GRM4: variants seen among roughly 807,000 people sequenced by gnomAD.
GRM4 encodes glutamate metabotropic receptor 4, also known as metabotropic glutamate receptor 4.
GRM4 carries 28 observed loss-of-function variants against 81.7 expected under a neutral mutation model. The ratio of observed to expected loss-of-function variants is 0.34; its 90% CI spans 0.25 to 0.47. The LOEUF (loss-of-function observed/expected upper bound fraction) is 0.47, where lower values mean the gene tolerates loss of function less well. Among genes scored for constraint, GRM4 ranks in the 20% least tolerant of loss-of-function variants. The pLI is 1.00. For synonymous variants in GRM4, 488 were observed against 528.8 expected (o/e 0.92, Z 1.06); for missense variants, 948 against 1,290.0 (o/e 0.73, Z 4.06).
At position 34,028,216 on chromosome 6, in the gene GRM4, T is replaced by A. The variant is rs748412584; in HGVS notation, c.2593A>T (p.Thr865Ser). The A allele has an allele frequency of 6.2e-7, 1 of 1,614,084 alleles. No individual in the cohort carries two copies. Among genetic ancestry groups the A allele is most frequent in the Non-Finnish European group, 8.5e-7 (1 of 1,180,016 alleles). The change falls in exon 10 of 11, where the codon ACG becomes TCG. Residue 865 changes from threonine (T) to serine (S), a missense_variant. Thr to Ser is a moderately conservative substitution (Grantham distance 58). Transcript: ENST00000538487. ...AACTTGTTGGACATGGTGGCCGCCG[T>A]AACGACGGCTTTGAGGCTGCGCTTG... ...KRKRSLKAVV[T>S]AATMSNKFTQ... is the part of the protein sequence containing the mutation.
At chr6:34,055,087 C>T (rs1327773661) in intron 6 of GRM4, 2 of 152,180 alleles carry the variant, frequency 1.3e-5, no homozygotes, top group Non-Finnish European at 2.9e-5. Flanking sequence ...CTTAAGAGTT[C>T]CTAGAGTTGC....
At chr6:34,084,131 G>T (rs370537949) in intron 3 of GRM4, among the ~76,000 whole-genome samples, 13 of 152,226 alleles carry the variant, frequency 8.5e-5, no homozygotes, top group African/African-American at 3.1e-4. Flanking sequence ...TAGAGCCAAG[G>T]CCATGGAGGG....
chr6:34,131,330 A>G (rs1264268307), intron 2 of GRM4, among the ~76,000 whole-genome samples: 1 of 152,258 alleles, frequency 6.6e-6, no homozygotes, highest in Non-Finnish European at 1.5e-5. Flanking sequence ...TCATAAAAAA[A>G]TAAAAAACAA....
intron 2 of GRM4, among the ~76,000 whole-genome samples, chr6:34,098,735 G>A (rs530651280): frequency 1.7e-4 from 26 of 152,342 alleles, no homozygotes; most frequent in South Asian, 8.3e-4. Context: ...AAGCTGTGGC[G>A]GACAGGAATG....
rs1769810874 is a variant in GRM4, at chr6:34,121,523, A to G, written c.519+11455T>C. On this transcript the variant is annotated intron_variant, in intron 2 of 10. Coordinates refer to ENST00000538487, the MANE Select transcript of GRM4 (RefSeq NM_000841.4). The surrounding 1 kb of genome is among the most constrained non-coding windows in gnomAD (Gnocchi z 4.6). ...CATTAGGGCCCCGCTCTACCCAGCC[A>G]GAGCTCCCCCTCCAGGAGATTTCAA... is the stretch of plus-strand genomic sequence containing the variant. Among the ~76,000 whole-genome samples, 2 of 152,192 alleles carry G rather than the reference A, an allele frequency of 1.3e-5. No homozygotes were observed. The highest frequency in any genetic ancestry group is 4.1e-4 in the South Asian group (2 of 4,832).
intron 2 of GRM4, chr6:34,102,061 G>T (rs757661414): frequency 2.0e-6 from 3 of 1,535,600 alleles, no homozygotes; most frequent in Non-Finnish European, 2.6e-6. Flanking sequence ...AAGTCCTAAG[G>T]GTCCTCTTTT....
chr6:34,040,149 C>T (rs772538506), intron 8 of GRM4, 29 bp downstream of exon 8: 88 of 1,609,010 alleles, frequency 5.5e-5, no homozygotes, highest in Non-Finnish European at 7.1e-5. Context: ...GTGAGTCACT[C>T]TCCACCCACT....
rs1767530774 is a variant in GRM4, at chr6:34,080,546, G to C, written c.736+11337C>G. On this transcript the variant is annotated intron_variant, in intron 3 of 10. Coordinates refer to ENST00000538487, the MANE Select transcript of GRM4 (RefSeq NM_000841.4). The surrounding 1 kb of genome is among the most constrained non-coding windows in gnomAD (Gnocchi z 5.4). Reference sequence around the variant, plus strand: ...ATGAATAAATTACTGTGGAGGAAAGGGATGCAAAGGCTGGAGGGCAGAAGG... The same window carrying C: ...ATGAATAAATTACTGTGGAGGAAAGCGATGCAAAGGCTGGAGGGCAGAAGG... Among the ~76,000 whole-genome samples, 1 of 152,152 alleles carries C rather than the reference G, an allele frequency of 6.6e-6. No homozygotes were observed. The highest frequency in any genetic ancestry group is 2.4e-5 in the African/African-American group (1 of 41,436).
At chr6:34,033,152 C>A (rs1764516561) in intron 9 of GRM4, among the ~76,000 whole-genome samples, 1 of 152,180 alleles carries the variant, frequency 6.6e-6, no homozygotes, top group Admixed American at 6.5e-5. Context: ...ACAGCATGGG[C>A]CGGGCGCCAT....
At position 34,031,961 on chromosome 6, in the gene GRM4, TC is replaced by T. The variant is rs1319348020; in HGVS notation, c.2443-3596del. Among the ~76,000 whole-genome samples, 376 of 151,932 alleles carry T rather than the reference TC, an allele frequency of 2.5e-3. 2 individuals are homozygous for T. Among genetic ancestry groups the T allele is most frequent in the African/African-American group, 8.3e-3 (345 of 41,374 alleles). On this transcript the variant is annotated intron_variant, in intron 9 of 10. Coordinates refer to ENST00000538487, the MANE Select transcript of GRM4 (RefSeq NM_000841.4). Reference sequence around the variant, plus strand: ...ATCTGACTCAGCTGGGCTCTCTCTCTCTCTCTCTCACACACACACAAACACA... The same window carrying T: ...ATCTGACTCAGCTGGGCTCTCTCTCTTCTCTCTCACACACACACAAACACA...
At position 34,069,698 on chromosome 6, in the gene GRM4, G is replaced by A. The variant is rs534688937; in HGVS notation, c.737-7670C>T. ...TGTGTGTGTGTGTGTGACCCTGAGCGCCTGCCTCTTCTCCCAGGAGGGTCT... is the reference window on the plus strand; with the variant it reads ...TGTGTGTGTGTGTGTGACCCTGAGCACCTGCCTCTTCTCCCAGGAGGGTCT... On this transcript the variant is annotated intron_variant, in intron 3 of 10. Transcript: ENST00000538487. The surrounding 1 kb of genome is among the most constrained non-coding windows in gnomAD (Gnocchi z 6.4). Among the ~76,000 whole-genome samples the A allele has an allele frequency of 4.6e-5, 7 of 150,886 alleles. No individual in the cohort carries two copies. The highest frequency in any genetic ancestry group is 1.9e-4 in the East Asian group (1 of 5,130).
intron 5 of GRM4, 95 bp from the exon 6 acceptor site, chr6:34,056,779 G>GGA: frequency 7.3e-7 from 1 of 1,369,848 alleles, no homozygotes; most frequent in Non-Finnish European, 1.0e-6. Context: ...TGGTCCAGGC[G>GGA]GAGGGAGAGA....
intron 2 of GRM4, among the ~76,000 whole-genome samples, chr6:34,096,675 G>T (rs1393026488): frequency 1.4e-5 from 1 of 70,330 alleles, no homozygotes; most frequent in Non-Finnish European, 2.8e-5. Flanking sequence ...GCCCCCCGAA[G>T]AGGGGTAGGT....
intron 9 of GRM4, among the ~76,000 whole-genome samples, chr6:34,033,699 TTC>T (rs1375191308): frequency 3.6e-5 from 4 of 110,950 alleles, no homozygotes; most frequent in Non-Finnish European, 6.1e-5. Context: ...CTCTCTCTCT[TTC>T]TCTTTCTTTC....
At position 34,091,983 on chromosome 6, in the gene GRM4, G is replaced by A. The variant is rs749440621; in HGVS notation, c.636C>T (p.Ile212=). The change falls in exon 3 of 11, where the codon ATC becomes ATT. Residue 212 remains isoleucine (I), a synonymous_variant. Coordinates refer to ENST00000538487, the MANE Select transcript of GRM4 (RefSeq NM_000841.4). ...CATAGTTCCACTTGAGGGCACGGAC[G>A]ATGTCCACCATGGCCTGGGCCTGGT... ...DTYQAQAMVD[I]VRALKWNYVS... The A allele has an allele frequency of 1.1e-5, 18 of 1,613,950 alleles. No individual in the cohort carries two copies. The highest frequency in any genetic ancestry group is 6.7e-5 in the Admixed American group (4 of 60,010).
rs565162811 is a variant in GRM4 at position 34,092,320 on chromosome 6, C to T, written c.520-221G>A. ...AACCACACACAGATACACACACAGG[C>T]ACACACATACATACACCACACACAC... On this transcript the variant is annotated intron_variant, in intron 2 of 10. Coordinates refer to ENST00000538487, the MANE Select transcript of GRM4 (RefSeq NM_000841.4). This position sits in a 1 kb window ranked among gnomAD's most constrained non-coding sequence, Gnocchi z 6.8. 3.1e-4 allele frequency among the ~76,000 whole-genome samples: 47 copies of T among 152,320 alleles called. No individual in the cohort carries two copies. The highest frequency in any genetic ancestry group is 1.0e-3 in the African/African-American group (42 of 41,578).
Position 34,121,549 on chromosome 6 carries a change from C to G in GRM4, c.519+11429G>C, listed in dbSNP as rs1375195309. Among the ~76,000 whole-genome samples the G allele has an allele frequency of 4.6e-5, 7 of 152,240 alleles. No individual in the cohort carries two copies. In the East Asian group the frequency reaches 1.2e-3, roughly 25 times the overall value. The stretch of plus-strand genomic sequence containing the variant: ...GAGCTCCCCCTCCAGGAGATTTCAA[C>G]TCTGATAGTTTTCAATCCCTCTTCG... On this transcript the variant is annotated intron_variant, in intron 2 of 10. Coordinates refer to ENST00000538487, the MANE Select transcript of GRM4 (RefSeq NM_000841.4). This position sits in a 1 kb window ranked among gnomAD's most constrained non-coding sequence, Gnocchi z 4.6.
intron 5 of GRM4, among the ~76,000 whole-genome samples, chr6:34,057,387 G>A (rs1230178179): frequency 6.6e-6 from 1 of 152,206 alleles, no homozygotes; most frequent in African/African-American, 2.4e-5. Flanking sequence ...TCCTGCCCAT[G>A]GAAGCGTCCA....
chr6:34,113,682 C>T (rs1005114908), intron 2 of GRM4, among the ~76,000 whole-genome samples: 3 of 152,040 alleles, frequency 2.0e-5, no homozygotes, highest in Non-Finnish European at 4.4e-5. Context: ...CTGAGGCTGA[C>T]GACTCTCTGG....
Sources: gnomAD v4.1 joint callset for allele counts (sites outside exome capture counted in the v4.1 genomes callset) on GRCh38, gnomAD v4.1.1 for gene constraint, Gnocchi (gnomAD v3.1) non-coding constraint, MANE v1.5 for transcripts, NCBI Gene and HGNC (gene_info 2026-07-23, HGNC 2026-07-21) for gene names.